Variants in BRD9 observed in about 807,000 individuals in gnomAD.
BRD9 encodes the protein bromodomain containing 9.
A neutral mutation model predicts 68.7 loss-of-function variants in BRD9; 47 were observed. That is an observed-to-expected ratio of 0.68 (90% confidence interval 0.54 to 0.87). The LOEUF is 0.87. Among genes scored for constraint, BRD9 ranks in the 40% least tolerant of loss-of-function variants. The probability of loss-of-function intolerance (pLI) is 0.00; values close to 1 mark genes in which losing one functional copy is unlikely to be tolerated. For missense variants in BRD9, 670 were observed against 748.4 expected (o/e 0.90, Z 1.22); for synonymous variants, 313 against 293.9 (o/e 1.06, Z -0.67).
In BRD9 at chr5:891,615, C is replaced by G. The variant is rs536137844; in HGVS notation, c.267+25G>C. The G allele has an allele frequency of 2.2e-3, 3,379 of 1,548,484 alleles. 1 individual carries two copies. Among genetic ancestry groups the G allele is most frequent in the Non-Finnish European group, 2.7e-3 (3,125 of 1,146,716 alleles). ...CCACGGGCTCCTCGTGGGCAGCGTC[C>G]GGGCCACCGCCGCTGCTCCTTTACC... On this transcript the variant is annotated intron_variant, in intron 2 of 15. Coordinates refer to ENST00000467963, the MANE Select transcript of BRD9 (RefSeq NM_023924.5).
At position 881,463 on chromosome 5, in the gene BRD9, C is replaced by G. The variant is rs548616109; in HGVS notation, c.967-281G>C. ...CCACGAGTAAACATTTAAAATTGCTCATGAGCCTTGACAAAATGGAACGGT... is the reference window on the plus strand; with the variant it reads ...CCACGAGTAAACATTTAAAATTGCTGATGAGCCTTGACAAAATGGAACGGT... On this transcript the variant is annotated intron_variant, in intron 8 of 15. Coordinates refer to ENST00000467963, the MANE Select transcript of BRD9 (RefSeq NM_023924.5). 11 of 509,670 alleles carry G rather than the reference C, an allele frequency of 2.2e-5. No homozygotes were observed. In the South Asian group the frequency reaches 2.4e-4, roughly 11 times the overall value. The allele number at this position is 509,670 out of a possible 1,614,324, so 31.6% of individuals were successfully genotyped here.
rs1188857382 is a variant in BRD9, at chr5:883,969, T to A, written c.935A>T (p.Asp312Val). Reference protein sequence around the residue: ...LVEHAADEARDRINRFLPGGK... With the variant: ...LVEHAADEARVRINRFLPGGK... ...GCCTGGGAGGAACCGGTTGATCCTG[T>A]CCCGAGCTTCGTCAGCTGCGTGCTC... Residue 312 changes from aspartate to valine, a missense_variant, in exon 8 of 16, where the codon GAC becomes GTC. Asp to Val is a radical substitution (Grantham distance 152). Around this residue, in one of 5 missense-constraint regions of BRD9, gnomAD observed 135 missense variants for 141.2 expected, o/e 0.96. Transcript: ENST00000467963. The A allele has an allele frequency of 3.7e-6, 6 of 1,613,202 alleles. No homozygotes were observed. Among genetic ancestry groups the A allele is most frequent in the Non-Finnish European group, 5.1e-6 (6 of 1,180,004 alleles).
chr5:891,316 A>G (rs1457495662), intron 2 of BRD9, 29 bp from the exon 3 acceptor site: 9 of 1,546,666 alleles, frequency 5.8e-6, no homozygotes, highest in Non-Finnish European at 7.0e-6. Flanking sequence ...GGAGTGAGAA[A>G]GGCAGGAGTA....
chr5:876,015 C>T (rs562286893), intron 12 of BRD9, 86 bp downstream of exon 12: 24 of 931,018 alleles, frequency 2.6e-5, no homozygotes, highest in East Asian at 1.8e-4. Context: ...TCCTCGTCCC[C>T]GAAAGCCTGG....
chr5:865,653 C>A (rs1392152622), intron 14 of BRD9, 72 bp from the exon 15 acceptor site: 6 of 1,478,246 alleles, frequency 4.1e-6, no homozygotes, highest in Non-Finnish European at 5.5e-6. Flanking sequence ...CAGGAGCACA[C>A]TGCCCATCCA....
At position 889,057 on chromosome 5, in the gene BRD9, A is replaced by T. The variant is rs1752970923; in HGVS notation, c.570T>A (p.Ile190=). Residue 190 remains isoleucine (I), a synonymous_variant, in exon 5 of 16, where the codon ATT becomes ATA. Transcript: ENST00000467963. ...TAACTGACTTGTATTCATTAGCTAC[A>T]ATTTTGTCTTTCATGGTGCCAAAAT... ...PMDFGTMKDK[I]VANEYKSVTE... The T allele has an allele frequency of 1.2e-6, 2 of 1,609,868 alleles. No homozygotes were observed. Among genetic ancestry groups the T allele is most frequent in the South Asian group, 1.1e-5 (1 of 89,262 alleles).
intron 12 of BRD9, among the ~76,000 whole-genome samples, chr5:873,959 G>C (rs1750528478): frequency 6.6e-6 from 1 of 152,124 alleles, no homozygotes; most frequent in Admixed American, 6.5e-5. Context: ...GGCTGCCCTG[G>C]ACCCACCCCA....
At chr5:875,509 A>G (rs956281250) in intron 12 of BRD9, among the ~76,000 whole-genome samples, 17 of 151,994 alleles carry the variant, frequency 1.1e-4, no homozygotes, top group Admixed American at 9.8e-4. Flanking sequence ...CACCACGCCC[A>G]GCTAATTTTT....
chr5:871,311 T>C (rs982646294), intron 13 of BRD9, among the ~76,000 whole-genome samples: 5 of 152,224 alleles, frequency 3.3e-5, no homozygotes, highest in African/African-American at 1.2e-4. Context: ...GCTCTGAAAC[T>C]ACCCATTTCT....
intron 15 of BRD9, 120 bp from the exon 16 acceptor site, chr5:864,688 C>T: frequency 1.3e-6 from 1 of 773,958 alleles, no homozygotes; most frequent in Non-Finnish European, 2.1e-6. Flanking sequence ...TCCCAGGACA[C>T]AGGGGCACCT....
Position 891,677 on chromosome 5 carries a change from TC to T in BRD9, c.229del (p.Glu77ArgfsTer99). On this transcript the variant is annotated frameshift_variant, in exon 2 of 16. Coordinates refer to ENST00000467963, the MANE Select transcript of BRD9 (RefSeq NM_023924.5). LOFTEE classifies it high-confidence loss of function. ...TCTTTCCTCATCGTCCAGATGCTTC[TC>T]CTTCTCGGACTTCTTCTTCTTCTTC... ...KKKKKKKSEK[E>X]KHLDDEERRK... 1 of 1,551,664 alleles carries T rather than the reference TC, an allele frequency of 6.4e-7. No homozygotes were observed. The highest frequency in any genetic ancestry group is 8.7e-7 in the Non-Finnish European group (1 of 1,147,024).
Position 864,028 on chromosome 5 carries a change from A to G in BRD9, c.*440T>C. On this transcript the variant is annotated 3_prime_UTR_variant, in exon 16 of 16. Transcript: ENST00000467963. ...CAGTGGGGCAGACAGAGGTGTCTACACTGGCAGAAACAAGGGCTGGAGCCA... is the reference window on the plus strand; with the variant it reads ...CAGTGGGGCAGACAGAGGTGTCTACGCTGGCAGAAACAAGGGCTGGAGCCA... 1 of 159,726 alleles carries G rather than the reference A, an allele frequency of 6.3e-6. No individual in the cohort carries two copies. The highest frequency in any genetic ancestry group is 1.4e-5 in the Non-Finnish European group (1 of 72,154). 9.9% of individuals were successfully genotyped at this position (159,726 alleles called of 1,614,324 possible).
chr5:890,850 T>C (rs1753252326), intron 3 of BRD9, among the ~76,000 whole-genome samples: 2 of 152,200 alleles, frequency 1.3e-5, no homozygotes, highest in Non-Finnish European at 2.9e-5. Context: ...CACATACGAT[T>C]GGTCTCTGTG....
At chr5:883,873 A>C in intron 8 of BRD9, 65 bp downstream of exon 8, 1 of 1,574,238 alleles carries the variant, frequency 6.4e-7, no homozygotes, top group South Asian at 1.1e-5. Context: ...ACCAACCCAG[A>C]AGGAGAGGCA....
rs1460679797 is a variant in BRD9, at chr5:881,157, T to C, written c.992A>G (p.Asp331Gly). Reference sequence around the variant, plus strand: ...GACCACGCTGTAGAGCAGGCTCCCGTCCCCGTTCCTCTTCAGATAGCCCAT... The same window carrying C: ...GACCACGCTGTAGAGCAGGCTCCCGCCCCCGTTCCTCTTCAGATAGCCCAT... ...GKMGYLKRNG[D>G]GSLLYSVVNT... The change falls in exon 9 of 16, where the codon GAC (aspartate) becomes GGC (glycine). Residue 331 changes from aspartate (D) to glycine (G), a missense_variant. Physicochemically the swap from Asp to Gly is moderately conservative, Grantham distance 94. Transcript: ENST00000467963. 1 of 1,613,970 alleles carries C rather than the reference T, an allele frequency of 6.2e-7. No homozygotes were observed. Among genetic ancestry groups the C allele is most frequent in the South Asian group, 1.1e-5 (1 of 91,080 alleles).
At chr5:891,989 G>A (rs555977016) in intron 1 of BRD9, 135 bp from the exon 2 acceptor site, 4 of 1,381,082 alleles carry the variant, frequency 2.9e-6, no homozygotes, top group Non-Finnish European at 2.9e-6. Flanking sequence ...AGGGAAAGAC[G>A]GAAGGGAAGA....
rs1753657931 is a variant in BRD9, at chr5:892,762, T to A, written c.-105A>T. On this transcript the variant is annotated 5_prime_UTR_variant, in exon 1 of 16. Coordinates refer to ENST00000467963, the MANE Select transcript of BRD9 (RefSeq NM_023924.5). ...GCCCTGGCTGGCCGCCCGCGCTCGCTGCGCCGAGGTTGCCGAGCTCGCTGG... is the reference window on the plus strand; with the variant it reads ...GCCCTGGCTGGCCGCCCGCGCTCGCAGCGCCGAGGTTGCCGAGCTCGCTGG... 5 of 1,148,578 alleles carry A rather than the reference T, an allele frequency of 4.4e-6. No individual in the cohort carries two copies. Among genetic ancestry groups the A allele is most frequent in the Non-Finnish European group, 5.5e-6 (5 of 914,238 alleles). 71.1% of individuals were successfully genotyped at this position (1,148,578 alleles called of 1,614,324 possible). A position where few individuals can be genotyped will look rare whatever the true frequency, so the allele number is the denominator to read the frequency against.
intron 14 of BRD9, 83 bp downstream of exon 14, chr5:870,390 G>A (rs947521527): frequency 7.6e-6 from 8 of 1,048,722 alleles, no homozygotes; most frequent in Non-Finnish European, 1.2e-5. Flanking sequence ...TAGTCAGGAA[G>A]GGAGAGGAGG....
chr5:871,442 A>G (rs1750113287), intron 13 of BRD9, 84 bp downstream of exon 13: 1 of 1,270,324 alleles, frequency 7.9e-7, no homozygotes, highest in Non-Finnish European at 1.2e-6. Flanking sequence ...CGTCATACAC[A>G]CAGACCTCCC....
Sources: gnomAD v4.1 joint callset for allele counts (sites outside exome capture counted in the v4.1 genomes callset) on GRCh38, gnomAD v4.1.1 for gene constraint, gnomAD v4.1.1 regional missense constraint, MANE v1.5 for transcripts, NCBI Gene and HGNC (gene_info 2026-07-23, HGNC 2026-07-21) for gene names.